The following SHROOM3 variants were observed in gnomAD, a reference collection of about 807,000 sequenced individuals.
SHROOM3 encodes the protein protein Shroom3.
SHROOM3 carries 47 observed loss-of-function variants against 138.6 expected under a neutral mutation model. The observed-to-expected ratio is 0.34, with a 90% confidence interval of 0.27 to 0.43. The LOEUF is 0.43. Ranked by LOEUF, SHROOM3 falls within the 20% of genes least tolerant of loss-of-function variation. The pLI, the probability that SHROOM3 is intolerant of heterozygous loss-of-function variation, is 1.00. For missense variants in SHROOM3, 2,491 were observed against 2,596.5 expected, an observed-to-expected ratio of 0.96 and a Z score of 0.88; for synonymous variants, 1,062 against 1,063.3, an observed-to-expected ratio of 1.00 and a Z score of 0.02.
chr4:76,630,644 A>G (rs1735289158), intron 2 of SHROOM3, among the ~76,000 whole-genome samples: 1 of 152,198 alleles, frequency 6.6e-6, no homozygotes, highest in Non-Finnish European at 1.5e-5. Flanking sequence ...AGTCACAAAA[A>G]AGTGATTCTT....
intron 2 of SHROOM3, among the ~76,000 whole-genome samples, chr4:76,673,933 C>T (rs777211734): frequency 3.9e-5 from 6 of 152,150 alleles, no homozygotes; most frequent in East Asian, 1.9e-4. Context: ...ACTGCAGTGG[C>T]GCAATCGTAG....
intron 2 of SHROOM3, among the ~76,000 whole-genome samples, chr4:76,567,126 G>A (rs1733741556): frequency 6.6e-6 from 1 of 152,216 alleles, no homozygotes; most frequent in Admixed American, 6.5e-5. Context: ...TAGTGGGTGG[G>A]ATGTGTAAAA....
chr4:76,605,986 C>CATATATAT (rs1734607903), intron 2 of SHROOM3, among the ~76,000 whole-genome samples: 9 of 93,862 alleles, frequency 9.6e-5, no homozygotes, highest in African/African-American at 4.4e-4. Flanking sequence ...TATACACACA[C>CATATATAT]ACACATATAT....
rs147410717 is a variant in SHROOM3 at position 76,638,651 on chromosome 4, C to T, written c.324-71505C>T. On this transcript the variant is annotated intron_variant, in intron 2 of 10. Transcript: ENST00000296043. ...GCTAGCAGACCAAATGGGTTCAAAA[C>T]TTTAAATAGCATAATTCATCCAGGA... Among the ~76,000 whole-genome samples the T allele has an allele frequency of 7.5e-3, 1,140 of 152,294 alleles. 13 individuals are homozygous for T. Among genetic ancestry groups the T allele is most frequent in the African/African-American group, 0.026 (1,087 of 41,564 alleles).
In SHROOM3 at chr4:76,528,544, C is replaced by CTTTTTTTTTTTT. The variant is rs146962643; in HGVS notation, c.169-27062_169-27061insTTTTTTTTTTTT. ...GGACTTCTCTCCTTTATCTTTCTTT[C>CTTTTTTTTTTTT]TTTCTTTTTTTTTTTTTTGAGGCAG... is the stretch of plus-strand genomic sequence containing the variant. On this transcript the variant is annotated intron_variant, in intron 1 of 10. Coordinates refer to ENST00000296043, the MANE Select transcript of SHROOM3 (RefSeq NM_020859.4). Among the ~76,000 whole-genome samples, 83 of 103,420 alleles carry CTTTTTTTTTTTT rather than the reference C, an allele frequency of 8.0e-4. 4 individuals carry two copies. Among genetic ancestry groups the CTTTTTTTTTTTT allele is most frequent in the African/African-American group, 2.2e-3 (49 of 22,412 alleles). The allele number at this position is 103,420 out of a possible 152,430, so 67.8% of individuals were successfully genotyped here.
intron 2 of SHROOM3, among the ~76,000 whole-genome samples, chr4:76,613,952 T>G (rs537115425): frequency 6.6e-6 from 1 of 152,230 alleles, no homozygotes; most frequent in Non-Finnish European, 1.5e-5. Context: ...TAAACCTAAA[T>G]GGCTACAGGA....
chr4:76,590,976 T>C (rs1026527252), intron 2 of SHROOM3, among the ~76,000 whole-genome samples: 6 of 152,182 alleles, frequency 3.9e-5, no homozygotes, highest in Admixed American at 1.3e-4. Context: ...ATGTATGCCC[T>C]CCGGTATGAA....
chr4:76,742,055 A>T (rs1721277098), intron 5 of SHROOM3, 129 bp downstream of exon 5: 1 of 1,272,398 alleles, frequency 7.9e-7, no homozygotes, highest in Admixed American at 2.0e-5. Flanking sequence ...ACAGAAAAGT[A>T]GCATTTGTTT....
intron 3 of SHROOM3, among the ~76,000 whole-genome samples, chr4:76,719,668 C>T (rs888120612): frequency 1.3e-5 from 2 of 150,948 alleles, no homozygotes; most frequent in African/African-American, 4.9e-5. Context: ...GGGAAAAAAA[C>T]ATTTCAATTT....
intron 2 of SHROOM3, among the ~76,000 whole-genome samples, chr4:76,565,534 C>T (rs1394575091): frequency 6.6e-6 from 1 of 152,062 alleles, no homozygotes; most frequent in Non-Finnish European, 1.5e-5. Flanking sequence ...ACTCTGTTGC[C>T]CAGGCTGGAG....
intron 2 of SHROOM3, among the ~76,000 whole-genome samples, chr4:76,629,737 G>C (rs13117032): frequency 0.36 from 55,130 of 151,746 alleles, 10,531 homozygotes; most frequent in East Asian, 0.51. Flanking sequence ...AGCTTTTAGT[G>C]TTGAGTACCA....
chr4:76,695,837 C>G (rs1277753421), intron 2 of SHROOM3, among the ~76,000 whole-genome samples: 2 of 152,214 alleles, frequency 1.3e-5, no homozygotes, highest in Non-Finnish European at 2.9e-5. Context: ...AGGACCATTT[C>G]CTCAGCCACT....
intron 2 of SHROOM3, among the ~76,000 whole-genome samples, chr4:76,623,872 C>T (rs1735061631): frequency 1.3e-5 from 2 of 152,246 alleles, no homozygotes; most frequent in African/African-American, 4.8e-5. Flanking sequence ...AAAGATATTC[C>T]TTGCATACTC....
chr4:76,773,349 G>A (rs748646378), intron 10 of SHROOM3, among the ~76,000 whole-genome samples: 11 of 149,926 alleles, frequency 7.3e-5, no homozygotes, highest in East Asian at 1.9e-4. Flanking sequence ...ACTCCAGCCC[G>A]GGTGACAGAG....
intron 1 of SHROOM3, among the ~76,000 whole-genome samples, chr4:76,551,650 G>T (rs1298905964): frequency 1.3e-5 from 2 of 152,096 alleles, no homozygotes; most frequent in African/African-American, 4.8e-5. Flanking sequence ...TTCTCATGAA[G>T]TCTCTTCAAT....
chr4:76,472,287 G>T (rs1240869890), intron 1 of SHROOM3, among the ~76,000 whole-genome samples: 1 of 152,184 alleles, frequency 6.6e-6, no homozygotes, highest in Non-Finnish European at 1.5e-5. Context: ...AAAATGTAGA[G>T]AAGTTGCTGT....
rs772628720 is a variant in SHROOM3 at position 76,739,507 on chromosome 4, C to G, written c.1334C>G (p.Pro445Arg). 5 of 1,613,992 alleles carry G rather than the reference C, an allele frequency of 3.1e-6. No individual in the cohort carries two copies. In the African/African-American group the frequency reaches 5.3e-5, roughly 17 times the overall value. The change falls in exon 5 of 11, where the codon CCA (proline) becomes CGA (arginine). Residue 445 changes from proline to arginine, a missense_variant. Coordinates refer to ENST00000296043, the MANE Select transcript of SHROOM3 (RefSeq NM_020859.4). The stretch of plus-strand genomic sequence containing the variant: ...GAGAAGAGTCCAGAGAACAGCCCCC[C>G]AGTGAAGCCCAAGCATAACTATACC... ...VLEKSPENSP[P>R]VKPKHNYTQK...
intron 1 of SHROOM3, among the ~76,000 whole-genome samples, chr4:76,551,885 A>C (rs550947366): frequency 6.6e-6 from 1 of 151,500 alleles, no homozygotes; most frequent in African/African-American, 2.4e-5. Flanking sequence ...TTTTTGAGAC[A>C]GAGTCTCGCT....
At chr4:76,713,470 C>T (rs1720289356) in intron 3 of SHROOM3, among the ~76,000 whole-genome samples, 1 of 152,176 alleles carries the variant, frequency 6.6e-6, no homozygotes. Flanking sequence ...TCTGCAGGGG[C>T]AGTGCATGGA....
Sources: allele counts gnomAD v4.1 joint callset (sites outside exome capture counted in the v4.1 genomes callset), GRCh38; gene constraint gnomAD v4.1.1; transcripts MANE v1.5; gene names NCBI Gene and HGNC (gene_info 2026-07-23, HGNC 2026-07-21).